PNPLA7: variants seen among roughly 807,000 people sequenced by gnomAD.
The protein encoded by PNPLA7 is patatin like domain 7, lysophospholipase.
In PNPLA7, 153 loss-of-function variants were observed where a neutral mutation model predicts 161.7. The observed-to-expected ratio is 0.95, with a 90% CI of 0.83 to 1.08. PNPLA7 has a LOEUF of 1.08. Ranked by LOEUF, PNPLA7 falls within the 50% of genes least tolerant of loss-of-function variation. The pLI, the probability that PNPLA7 is intolerant of heterozygous loss-of-function variation, is 0.00. For synonymous variants in PNPLA7, 809 were observed against 782.1 expected, an observed-to-expected ratio of 1.03 and a Z score of -0.57; for missense variants, 1,739 against 1,856.6, an observed-to-expected ratio of 0.94 and a Z score of 1.16.
At chr9:137,482,969 GTCAAGCGATTC>G (rs1411307073) in intron 21 of PNPLA7, among the ~76,000 whole-genome samples, 1 of 152,190 alleles carries the variant, frequency 6.6e-6, no homozygotes, top group Non-Finnish European at 1.5e-5. Context: ...ACTTCCCGGG[GTCAAGCGATTC>G]TCCTGCCTCA....
intron 14 of PNPLA7, among the ~76,000 whole-genome samples, chr9:137,503,834 AGC>A (rs1564324719): frequency 1.7e-4 from 6 of 34,484 alleles, no homozygotes; most frequent in East Asian, 5.6e-4. Context: ...AGAAGAAAGA[AGC>A]AAGAAGAAGA....
intron 4 of PNPLA7, among the ~76,000 whole-genome samples, chr9:137,545,905 T>C (rs921056762): frequency 1.4e-4 from 21 of 152,198 alleles, no homozygotes; most frequent in Admixed American, 4.6e-4. Flanking sequence ...GAAAAACACC[T>C]GCTACTTAGC....
chr9:137,529,802 C>A (rs1007730740), intron 8 of PNPLA7, among the ~76,000 whole-genome samples: 11 of 151,370 alleles, frequency 7.3e-5, no homozygotes, highest in African/African-American at 2.7e-4. Context: ...GGATTACAGG[C>A]ACACACCACC....
At chr9:137,511,215 T>C (rs559225433) in intron 12 of PNPLA7, among the ~76,000 whole-genome samples, 293 of 117,746 alleles carry the variant, frequency 2.5e-3, no homozygotes, top group Middle Eastern at 0.014. Context: ...TGGACCTTGG[T>C]CTGGCGGTAG....
intron 14 of PNPLA7, among the ~76,000 whole-genome samples, chr9:137,504,910 C>T (rs949343649): frequency 3.2e-4 from 48 of 152,220 alleles, no homozygotes; most frequent in African/African-American, 1.0e-3. Flanking sequence ...TTCCATCAGC[C>T]GGGCGCCGTG....
intron 4 of PNPLA7, among the ~76,000 whole-genome samples, chr9:137,545,427 C>T (rs1047462167): frequency 3.9e-5 from 6 of 152,202 alleles, no homozygotes; most frequent in Admixed American, 2.0e-4. Flanking sequence ...AGGCCCTCTG[C>T]ACCCACTGGG....
At chr9:137,480,838 C>T in intron 22 of PNPLA7, 122 bp downstream of exon 22, 1 of 1,109,798 alleles carries the variant, frequency 9.0e-7, no homozygotes, top group Non-Finnish European at 1.3e-6. Context: ...AGCCCTCACA[C>T]CACAGTGTGC....
Position 137,479,063 on chromosome 9 carries a change from G to T in PNPLA7, c.2756C>A (p.Pro919His). Reference protein sequence around the residue: ...PRRVFSRRSLPKLVEMYKHVF... With the variant: ...PRRVFSRRSLHKLVEMYKHVF... ...CTCCTCTCCCCGCCTCACCAGCTTGGGCAGGCTCCTCCTGGAGAAGACGCG... is the reference window on the plus strand; with the variant it reads ...CTCCTCTCCCCGCCTCACCAGCTTGTGCAGGCTCCTCCTGGAGAAGACGCG... Residue 919 changes from proline (P) to histidine (H), a missense_variant, in exon 24 of 35, where the codon CCC becomes CAC. Pro to His is a moderately conservative substitution (Grantham distance 77). Coordinates refer to ENST00000406427, the MANE Select transcript of PNPLA7 (RefSeq NM_001098537.3). 1 of 1,585,374 alleles carries T rather than the reference G, an allele frequency of 6.3e-7. No individual in the cohort carries two copies. Among genetic ancestry groups the T allele is most frequent in the Non-Finnish European group, 8.6e-7 (1 of 1,163,612 alleles).
chr9:137,481,147 G>C, intron 21 of PNPLA7, 124 bp from the exon 22 acceptor site: 4 of 986,760 alleles, frequency 4.1e-6, no homozygotes, highest in Non-Finnish European at 6.2e-6. Context: ...AGGCACCAAG[G>C]AGGAGGAAGG....
Position 137,460,144 on chromosome 9 carries a change from T to TTCACAGAGCTTCAGGGGCC in PNPLA7, c.*230_*248dup. 3 of 405,450 alleles carry TTCACAGAGCTTCAGGGGCC rather than the reference T, an allele frequency of 7.4e-6. No individual in the cohort carries two copies. Among genetic ancestry groups the TTCACAGAGCTTCAGGGGCC allele is most frequent in the Admixed American group, 3.7e-5 (1 of 27,174 alleles). The allele number at this position is 405,450 out of a possible 1,614,324, so 25.1% of individuals were successfully genotyped here. A position where few individuals can be genotyped will look rare whatever the true frequency, so the allele number is the denominator to read the frequency against. ...GGGGGCCTCACAGGGCTGCAGGGGGTTCACAGAGCTTCAGGGGCCTCACAG... is the reference window on the plus strand; with the variant it reads ...GGGGGCCTCACAGGGCTGCAGGGGGTTCACAGAGCTTCAGGGGCCTCACAGAGCTTCAGGGGCCTCACAG... On this transcript the variant is annotated 3_prime_UTR_variant, in exon 35 of 35. Coordinates refer to ENST00000406427, the MANE Select transcript of PNPLA7 (RefSeq NM_001098537.3).
Position 137,523,699 on chromosome 9 carries a change from T to G in PNPLA7, c.748-842A>C, listed in dbSNP as rs1835153994. Among the ~76,000 whole-genome samples, 1 of 151,212 alleles carries G rather than the reference T, an allele frequency of 6.6e-6. No individual in the cohort carries two copies. Among genetic ancestry groups the G allele is most frequent in the Non-Finnish European group, 1.5e-5 (1 of 67,908 alleles). On this transcript the variant is annotated intron_variant, in intron 8 of 34. Transcript: ENST00000406427. This position sits in a 1 kb window ranked among gnomAD's most constrained non-coding sequence, Gnocchi z 4.4. ...TGGAGTGCAATGGCGTGATCTTGGC[T>G]CACTGCAAGCTCCGCCTCCCGGGTT... is the stretch of plus-strand genomic sequence containing the variant.
intron 12 of PNPLA7, among the ~76,000 whole-genome samples, chr9:137,511,765 C>T (rs1460145674): frequency 6.6e-6 from 1 of 152,224 alleles, no homozygotes. Flanking sequence ...ACACCTGCTG[C>T]TTCTCTTAAG....
Position 137,467,209 on chromosome 9 carries a change from G to A in PNPLA7, c.3039+108C>T. On this transcript the variant is annotated intron_variant, in intron 26 of 34. Transcript: ENST00000406427. The surrounding 1 kb of genome is among the most constrained non-coding windows in gnomAD (Gnocchi z 5.1). ...GGCTTCAGGGGGTAGCCTCCTCGAG[G>A]GCAGGGCCCTGCAGAGCCACATGCA... 2 of 1,414,690 alleles carry A rather than the reference G, an allele frequency of 1.4e-6. No homozygotes were observed. Among genetic ancestry groups the A allele is most frequent in the Middle Eastern group, 2.5e-4 (1 of 3,998 alleles). 87.6% of individuals were successfully genotyped at this position (1,414,690 alleles called of 1,614,324 possible).
intron 17 of PNPLA7, 107 bp from the exon 18 acceptor site, chr9:137,497,417 C>T: frequency 9.3e-7 from 1 of 1,072,328 alleles, no homozygotes; most frequent in Non-Finnish European, 1.2e-6. Context: ...AAAATGCAGG[C>T]TTCTCACTAT....
intron 14 of PNPLA7, among the ~76,000 whole-genome samples, chr9:137,502,738 G>A (rs530778141): frequency 9.2e-6 from 1 of 108,682 alleles, no homozygotes; most frequent in Admixed American, 9.3e-5. Flanking sequence ...CGGGGGGGAC[G>A]AGAGGGATGT....
In PNPLA7 at chr9:137,473,284, G is replaced by A. The variant is rs1380019074; in HGVS notation, c.2882+4750C>T. ...CATTCAGAGCAACCAGACACCACAT[G>A]GGAAAAGTGAACTCCCACCTCACAC... On this transcript the variant is annotated intron_variant, in intron 25 of 34. Transcript: ENST00000406427. Among the ~76,000 whole-genome samples the A allele has an allele frequency of 2.0e-5, 3 of 152,038 alleles. No homozygotes were observed. In the East Asian group the frequency reaches 5.8e-4, roughly 29 times the overall value.
At chr9:137,462,985 C>T (rs1330487994) in intron 29 of PNPLA7, 152 bp from the exon 30 acceptor site, 4 of 1,054,650 alleles carry the variant, frequency 3.8e-6, no homozygotes, top group Non-Finnish European at 5.4e-6. Context: ...ACATGCCCAG[C>T]TCGATGGGCA....
Position 137,462,365 on chromosome 9 carries a change from C to T in PNPLA7, c.3493-34G>A, listed in dbSNP as rs750028113. ...GTCACAGCCGCCTGAGTCTCCTGCC[C>T]CGGCCCCTACCCCGTCCCAGCCTGG... On this transcript the variant is annotated intron_variant, in intron 30 of 34. Coordinates refer to ENST00000406427, the MANE Select transcript of PNPLA7 (RefSeq NM_001098537.3). The T allele has an allele frequency of 3.2e-6, 5 of 1,569,376 alleles. No individual in the cohort carries two copies. In the African/African-American group the frequency reaches 5.4e-5, roughly 17 times the overall value.
chr9:137,506,482 C>T (rs939731713), intron 12 of PNPLA7, among the ~76,000 whole-genome samples: 1 of 152,206 alleles, frequency 6.6e-6, no homozygotes, highest in African/African-American at 2.4e-5. Flanking sequence ...CTGTCCATCT[C>T]AGGGATGCTG....
Sources: allele counts gnomAD v4.1 joint callset (sites outside exome capture counted in the v4.1 genomes callset), GRCh38; gene constraint gnomAD v4.1.1; non-coding constraint Gnocchi (gnomAD v3.1); transcripts MANE v1.5; gene names NCBI Gene and HGNC (gene_info 2026-07-23, HGNC 2026-07-21).